PAK3: variants seen among roughly 807,000 people sequenced by gnomAD.
PAK3 encodes p21 (RAC1) activated kinase 3, also known as serine/threonine-protein kinase PAK 3.
A neutral mutation model predicts 41.0 loss-of-function variants in PAK3; 4 were observed. The ratio of observed to expected loss-of-function variants is 0.10; its 90% CI spans 0.05 to 0.22. PAK3 has a LOEUF of 0.22. Among genes scored for constraint, PAK3 ranks in the 10% least tolerant of loss-of-function variants. PAK3 has a pLI of 1.00. For synonymous variants in PAK3, 146 were observed against 139.6 expected, an observed-to-expected ratio of 1.05 and a Z score of -0.32; for missense variants, 205 against 409.9, an observed-to-expected ratio of 0.50 and a Z score of 4.32.
chrX:110,977,711 C>T (rs2091365943), intron 1 of PAK3, among the ~76,000 whole-genome samples: 1 of 111,787 alleles, frequency 8.9e-6, no homozygotes, highest in Non-Finnish European at 1.9e-5. Context: ...CTTACTGCTA[C>T]TGTATACAAA....
upstream of PAK3, among the ~76,000 whole-genome samples, chrX:111,092,389 C>A (rs2092936373): frequency 9.0e-6 from 1 of 111,686 alleles, no homozygotes; most frequent in Non-Finnish European, 1.9e-5. Context: ...TTAAAACACA[C>A]ACATACACCC....
rs756564087 is a variant in PAK3 at position 110,950,194 on chromosome X, T to G, written c.-28+5566T>G. 6.3e-5 allele frequency among the ~76,000 whole-genome samples: 7 copies of G among 111,928 alleles called. No homozygotes were observed. In the South Asian group the frequency reaches 2.7e-3, roughly 43 times the overall value. On this transcript the variant is annotated intron_variant, in intron 1 of 14. Transcript: ENST00000425146. Reference sequence around the variant, plus strand: ...TGCTTATAAAAATAGAGATATGATGTAGAATGTTCCTTCCTTGTCTCTCCA... The same window carrying G: ...TGCTTATAAAAATAGAGATATGATGGAGAATGTTCCTTCCTTGTCTCTCCA...
At chrX:111,125,193 A>G (rs1213941712) in intron 5 of PAK3, among the ~76,000 whole-genome samples, 1 of 111,943 alleles carries the variant, frequency 8.9e-6, no homozygotes, top group Admixed American at 9.5e-5. Context: ...TCAGGAGATA[A>G]CTTCCCAAAG....
intron 1 of PAK3, among the ~76,000 whole-genome samples, chrX:110,945,220 G>GGTGTGT (rs764504662): frequency 5.6e-5 from 6 of 107,950 alleles, no homozygotes; most frequent in Admixed American, 9.8e-5. Flanking sequence ...GAGTTGGAGT[G>GGTGTGT]GTGTGTGTGT....
At chrX:110,994,731 T>G (rs777952630) in intron 1 of PAK3, among the ~76,000 whole-genome samples, 28 of 111,790 alleles carry the variant, frequency 2.5e-4, no homozygotes, top group Non-Finnish European at 4.3e-4. Context: ...TGTTTGAATA[T>G]CAGAGCTTGG....
chrX:111,096,177 C>G (rs7891403), upstream of PAK3: 88 of 112,297 alleles, frequency 7.8e-4, no homozygotes, highest in African/African-American at 2.7e-3. Flanking sequence ...GAGCGGTTGC[C>G]GAGCAGGGGC....
chrX:111,015,359 C>T (rs944642050), intron 1 of PAK3, among the ~76,000 whole-genome samples: 1 of 111,230 alleles, frequency 9.0e-6, no homozygotes, highest in Non-Finnish European at 1.9e-5. Context: ...TTGATGGACA[C>T]TTGGGTTGCT....
chrX:111,022,593 A>G (rs1451599384), intron 1 of PAK3, among the ~76,000 whole-genome samples: 1 of 111,425 alleles, frequency 9.0e-6, no homozygotes, highest in Non-Finnish European at 1.9e-5. Context: ...CATAAATCTC[A>G]CAGGACCTAT....
In PAK3 at chrX:111,154,464, T is replaced by A. The variant is rs192124806; in HGVS notation, c.468+2017T>A. On this transcript the variant is annotated intron_variant, in intron 8 of 17. Transcript: ENST00000372007. ...TTTAAGAGGGAATAAAAATAGTACT[T>A]ACCTCCTACGTCTTGTGTGAATATT... is the stretch of plus-strand genomic sequence containing the variant. Among the ~76,000 whole-genome samples the A allele has an allele frequency of 3.6e-5, 4 of 111,516 alleles. No homozygotes were observed. In the East Asian group the frequency reaches 1.1e-3, roughly 31 times the overall value.
At chrX:111,049,567 A>G (rs1156724466) in intron 1 of PAK3, among the ~76,000 whole-genome samples, 1 of 112,455 alleles carries the variant, frequency 8.9e-6, no homozygotes, top group African/African-American at 3.2e-5. Flanking sequence ...AGTGAGATGA[A>G]GGAGGAAAAA....
chrX:111,141,371 A>G (rs1180953198), intron 5 of PAK3, among the ~76,000 whole-genome samples: 1 of 112,073 alleles, frequency 8.9e-6, no homozygotes, highest in Admixed American at 9.5e-5. Context: ...GACAAAATAT[A>G]ATGGAAACAT....
At chrX:110,959,842 A>C (rs978073762) in intron 1 of PAK3, among the ~76,000 whole-genome samples, 1 of 112,233 alleles carries the variant, frequency 8.9e-6, no homozygotes, top group Non-Finnish European at 1.9e-5. Context: ...AAGCGAAAAA[A>C]GCCAACAGAT....
intron 4 of PAK3, among the ~76,000 whole-genome samples, chrX:111,120,207 A>C: frequency 8.9e-6 from 1 of 112,284 alleles, no homozygotes; most frequent in Non-Finnish European, 1.9e-5. Flanking sequence ...TATGTCACAT[A>C]AGCTGAGTCC....
chrX:111,162,442 G>A (rs1423826578), intron 8 of PAK3, among the ~76,000 whole-genome samples: 1 of 111,154 alleles, frequency 9.0e-6, no homozygotes, highest in Non-Finnish European at 1.9e-5. Flanking sequence ...TTCTTAGTGA[G>A]TATTTACAGA....
chrX:110,944,895 C>T (rs1164123998), intron 1 of PAK3, among the ~76,000 whole-genome samples: 1 of 112,187 alleles, frequency 8.9e-6, no homozygotes, highest in East Asian at 2.8e-4. Flanking sequence ...TGCGTCCCCA[C>T]TCCCTGCATC....
intron 1 of PAK3, among the ~76,000 whole-genome samples, chrX:111,006,842 TTTCTTTC>T (rs1354439650): frequency 0.022 from 280 of 12,802 alleles, 2 homozygotes; most frequent in Non-Finnish European, 0.027. Context: ...TCTTTCTTTC[TTTCTTTC>T]TTTTTTTTTT....
chrX:111,219,832 C>T (rs1043603108), intron 17 of PAK3, among the ~76,000 whole-genome samples: 8 of 110,710 alleles, frequency 7.2e-5, no homozygotes, highest in Admixed American at 1.9e-4. Context: ...AGTGCACATG[C>T]GCATGGAAGA....
intron 1 of PAK3, among the ~76,000 whole-genome samples, chrX:110,978,886 T>G (rs2091393228): frequency 9.0e-6 from 1 of 111,352 alleles, no homozygotes; most frequent in African/African-American, 3.3e-5. Flanking sequence ...TGGAAGACAT[T>G]GTTGAGAATT....
chrX:111,180,129 A>G (rs940727210), intron 11 of PAK3, among the ~76,000 whole-genome samples: 8 of 111,594 alleles, frequency 7.2e-5, no homozygotes, highest in Admixed American at 4.8e-4. Context: ...AAAGTGTTCA[A>G]TGAGGGGTAT....
Sources: allele counts gnomAD v4.1 joint callset (sites outside exome capture counted in the v4.1 genomes callset), GRCh38; gene constraint gnomAD v4.1.1; transcripts MANE v1.5; gene names NCBI Gene and HGNC (gene_info 2026-07-23, HGNC 2026-07-21).